The following SFXN5 variants were observed in gnomAD, a reference collection of about 807,000 sequenced individuals.
SFXN5 encodes sideroflexin 5.
Under a neutral mutation model 50.2 loss-of-function variants are expected in SFXN5, and 43 were observed. The observed-to-expected ratio is 0.86, with a 90% CI of 0.67 to 1.11. The LOEUF (loss-of-function observed/expected upper bound fraction) is 1.11, where lower values mean the gene tolerates loss of function less well. Among genes scored for constraint, SFXN5 ranks in the 50% least tolerant of loss-of-function variants. SFXN5 has a pLI of 0.00. For synonymous variants in SFXN5, 203 were observed against 185.8 expected, an observed-to-expected ratio of 1.09 and a Z score of -0.75; for missense variants, 463 against 454.1, an observed-to-expected ratio of 1.02 and a Z score of -0.18.
chr2:72,988,625 A>G (rs1416383232), intron 9 of SFXN5, among the ~76,000 whole-genome samples: 1 of 152,078 alleles, frequency 6.6e-6, no homozygotes, highest in African/African-American at 2.4e-5. Context: ...ACACATACAC[A>G]CACATTTACA....
At chr2:73,049,072 A>C (rs1354666198) in intron 2 of SFXN5, 1 of 152,240 alleles carries the variant, frequency 6.6e-6, no homozygotes, top group Non-Finnish European at 1.5e-5. Flanking sequence ...ATGTTATCTT[A>C]CACTAACTGT....
At chr2:73,047,321 ATATATATGTG>A (rs1426007600) in intron 2 of SFXN5, among the ~76,000 whole-genome samples, 9 of 120,054 alleles carry the variant, frequency 7.5e-5, no homozygotes, top group East Asian at 2.4e-4. Flanking sequence ...GTGTGTATGT[ATATATATGTG>A]TATATATATG....
intron 10 of SFXN5, among the ~76,000 whole-genome samples, chr2:72,977,974 G>GA (rs56975766): frequency 0.19 from 7,799 of 40,758 alleles, 327 homozygotes; most frequent in East Asian, 0.32. Context: ...CTCTGCCTCA[G>GA]AAAAAAAAAA....
At chr2:73,003,152 G>T (rs916536945) in intron 6 of SFXN5, among the ~76,000 whole-genome samples, 5 of 152,064 alleles carry the variant, frequency 3.3e-5, no homozygotes, top group Non-Finnish European at 5.9e-5. Context: ...GATGGGACAG[G>T]GGGGTGGGTG....
chr2:72,982,852 C>T (rs6753198), intron 10 of SFXN5, among the ~76,000 whole-genome samples: 7,826 of 152,252 alleles, frequency 0.051, 641 homozygotes, highest in African/African-American at 0.17. Flanking sequence ...AGGACGGCAG[C>T]GTTCTCCAGG....
In SFXN5 at chr2:73,032,917, T is replaced by C. The variant is rs1306437430; in HGVS notation, c.249+7937A>G. 2.0e-4 allele frequency among the ~76,000 whole-genome samples: 30 copies of C among 152,200 alleles called. 1 individual carries two copies. Among genetic ancestry groups the C allele is most frequent in the Admixed American group, 1.8e-3 (27 of 15,286 alleles). The stretch of plus-strand genomic sequence containing the variant: ...GTTACTCCCAGGTAATATGTACCTA[T>C]TGCAAGTCTATGTCAGGTGAGGGTA... On this transcript the variant is annotated intron_variant, in intron 3 of 13. Coordinates refer to ENST00000272433, the MANE Select transcript of SFXN5 (RefSeq NM_144579.3).
intron 1 of SFXN5, chr2:73,070,733 G>A (rs1295917082): frequency 6.6e-6 from 1 of 152,232 alleles, no homozygotes; most frequent in Non-Finnish European, 1.5e-5. Context: ...CCCAGAGGAG[G>A]TCCCGGAGGG....
intron 6 of SFXN5, chr2:73,019,934 T>G (rs576594371): frequency 3.9e-5 from 11 of 279,410 alleles, no homozygotes; most frequent in Non-Finnish European, 6.6e-5. Flanking sequence ...CCCAAGTTCT[T>G]TGAGAAAACT....
Position 72,998,973 on chromosome 2 carries a change from A to G in SFXN5, c.510T>C (p.Ala170=), listed in dbSNP as rs140696398. The G allele has an allele frequency of 1.9e-6, 3 of 1,614,040 alleles. No individual in the cohort carries two copies. Among genetic ancestry groups the G allele is most frequent in the Non-Finnish European group, 2.5e-6 (3 of 1,180,016 alleles). ...CAGCAATGGAGACGGCGCTGATGAC[A>G]GCTCCCAGGTATCCCTGGATGAACT... ...ASKFIQGYLG[A]VISAVSIAVG... The change falls in exon 9 of 14, where the codon GCT becomes GCC. Residue 170 remains alanine (A), a synonymous_variant. Transcript: ENST00000272433.
intron 8 of SFXN5, among the ~76,000 whole-genome samples, chr2:73,000,048 T>G (rs375540103): frequency 6.6e-6 from 1 of 152,154 alleles, no homozygotes; most frequent in African/African-American, 2.4e-5. Flanking sequence ...TCCAGAAATT[T>G]TGGAGGAAGC....
intron 9 of SFXN5, among the ~76,000 whole-genome samples, chr2:72,995,460 T>C (rs1673110857): frequency 1.3e-5 from 2 of 152,110 alleles, no homozygotes; most frequent in African/African-American, 4.8e-5. Context: ...AAACTGGGGA[T>C]CCCTGACTCC....
At chr2:73,054,944 A>C (rs13385994) in intron 2 of SFXN5, among the ~76,000 whole-genome samples, 1 of 152,040 alleles carries the variant, frequency 6.6e-6, no homozygotes, top group African/African-American at 2.4e-5. Flanking sequence ...CCAGGTAAGC[A>C]ACTAAAATAC....
intron 10 of SFXN5, among the ~76,000 whole-genome samples, chr2:72,984,152 G>A (rs902386213): frequency 2.0e-5 from 3 of 152,144 alleles, no homozygotes; most frequent in Non-Finnish European, 2.9e-5. Context: ...CATGCTCCTG[G>A]GCTCACTGTC....
At chr2:73,001,671 G>T in intron 6 of SFXN5, 93 bp from the exon 7 acceptor site, 1 of 1,235,074 alleles carries the variant, frequency 8.1e-7, no homozygotes, top group East Asian at 2.4e-5. Context: ...TGAGTGAGCT[G>T]GATCTGTACA....
rs535272464 is a variant in SFXN5, at chr2:72,971,852, G to T, written c.626-167C>A. The stretch of plus-strand genomic sequence containing the variant: ...TGTTGTCCATCTGCCTATCAGCCTG[G>T]TGAGGGATCTGGGGGCCCTTGGGAA... On this transcript the variant is annotated intron_variant, in intron 10 of 13. Transcript: ENST00000272433. 3.1e-4 allele frequency among the ~76,000 whole-genome samples: 47 copies of T among 152,358 alleles called. 1 individual carries two copies. In the South Asian group the frequency reaches 7.3e-3, roughly 24 times the overall value.
intron 10 of SFXN5, among the ~76,000 whole-genome samples, chr2:72,983,803 A>G (rs554755933): frequency 2.0e-5 from 3 of 152,230 alleles, no homozygotes; most frequent in East Asian, 3.9e-4. Flanking sequence ...TCCTGCTGGT[A>G]ACTGCTCCTG....
chr2:73,071,580 C>T (rs1417932046), intron 1 of SFXN5, 24 bp downstream of exon 1: 24 of 1,607,598 alleles, frequency 1.5e-5, no homozygotes, highest in Non-Finnish European at 2.0e-5. Flanking sequence ...CCCGCCGGCC[C>T]GCAGACCACA....
intron 13 of SFXN5, among the ~76,000 whole-genome samples, chr2:72,947,258 T>C (rs761252143): frequency 2.0e-5 from 3 of 152,086 alleles, no homozygotes; most frequent in Non-Finnish European, 4.4e-5. Flanking sequence ...TCCCTCAGTG[T>C]GGAATACATG....
chr2:72,951,141 C>T (rs1672490184), intron 13 of SFXN5, among the ~76,000 whole-genome samples: 1 of 152,176 alleles, frequency 6.6e-6, no homozygotes, highest in Non-Finnish European at 1.5e-5. Flanking sequence ...CAGAAGTGGG[C>T]TGCCAGGATC....
Sources: allele counts gnomAD v4.1 joint callset (sites outside exome capture counted in the v4.1 genomes callset), GRCh38; gene constraint gnomAD v4.1.1; transcripts MANE v1.5; gene names NCBI Gene and HGNC (gene_info 2026-07-23, HGNC 2026-07-21).